Variants in ZNF695 observed in about 807,000 individuals in gnomAD.
The protein encoded by ZNF695 is zinc finger protein 695.
ZNF695 carries 11 observed loss-of-function variants against 11.2 expected under a neutral mutation model. The observed-to-expected ratio is 0.98, with a 90% CI of 0.62 to 1.62. The LOEUF is 1.62. Among genes scored for constraint, ZNF695 ranks in the 40% most tolerant of loss-of-function variants. ZNF695 has a pLI of 0.00. For missense variants in ZNF695, 559 were observed against 590.5 expected, an observed-to-expected ratio of 0.95 and a Z score of 0.55; for synonymous variants, 190 against 201.4, an observed-to-expected ratio of 0.94 and a Z score of 0.48.
chr1:246,965,554 C>T (rs566873099), intron 5 of ZNF695, among the ~76,000 whole-genome samples: 2 of 151,674 alleles, frequency 1.3e-5, no homozygotes, highest in Admixed American at 6.6e-5. Context: ...CTGGCCAACA[C>T]GGCAAAACCC....
chr1:246,958,359 G>A (rs1253941106), intron 5 of ZNF695, among the ~76,000 whole-genome samples: 1 of 152,050 alleles, frequency 6.6e-6, no homozygotes, highest in Admixed American at 6.6e-5. Context: ...CACCCAGCCG[G>A]GACTTGTCTT....
intron 3 of ZNF695, among the ~76,000 whole-genome samples, chr1:246,991,190 AG>A (rs1669021497): frequency 6.6e-6 from 1 of 152,202 alleles, no homozygotes; most frequent in Non-Finnish European, 1.5e-5. Flanking sequence ...AACAAAATTG[AG>A]AAAAACCTCT....
intron 4 of ZNF695, among the ~76,000 whole-genome samples, chr1:246,976,758 C>T (rs12065240): frequency 0.4 from 60,137 of 151,908 alleles, 17,140 homozygotes; most frequent in African/African-American, 0.81. Flanking sequence ...CGCGCCACTG[C>T]ACTCCAGCCT....
chr1:246,988,214 C>A lies in ZNF695; in HGVS notation c.301G>T (p.Gly101Cys), dbSNP rs1668915225. The A allele has an allele frequency of 1.3e-6, 2 of 1,587,752 alleles. No homozygotes were observed. The highest frequency in any genetic ancestry group is 2.7e-5 in the African/African-American group (2 of 73,352). Residue 101 changes from glycine to cysteine, a missense_variant, in exon 4 of 4, where the codon GGC becomes TGC. By Grantham distance (159) the Gly-to-Cys change is radical. Transcript: ENST00000339986. ...YLTEDILPEQ[G>C]LQVSFQKVML... ...ACTTTTTGGAATGAAACTTGCAGGCCCTGCTCTGGCAAAATGTCTTCAGTA... is the reference window on the plus strand; with the variant it reads ...ACTTTTTGGAATGAAACTTGCAGGCACTGCTCTGGCAAAATGTCTTCAGTA...
rs374380046 is a variant in ZNF695 at position 246,951,115 on chromosome 1, G to A, written c.489-5288C>T. ...TGTCATATAGTTGGTCTGAAATGGA[G>A]GCACCGAGACACCCTCAGTATGTGT... On this transcript the variant is annotated intron_variant, in intron 5 of 5. Transcript: ENST00000487338. 4.7e-4 allele frequency among the ~76,000 whole-genome samples: 71 copies of A among 151,968 alleles called. 1 individual carries two copies. In the South Asian group the frequency reaches 0.012, roughly 25 times the overall value.
chr1:246,996,146 G>C (rs1276594689), intron 3 of ZNF695: 2 of 396,414 alleles, frequency 5.0e-6, no homozygotes, highest in African/African-American at 4.4e-5. Flanking sequence ...AGGAGTTTGA[G>C]ACCAGCCTGG....
chr1:246,997,553 A>ATG (rs1020710400), intron 3 of ZNF695, among the ~76,000 whole-genome samples: 134 of 146,530 alleles, frequency 9.1e-4, no homozygotes, highest in African/African-American at 1.6e-3. Context: ...GCAATCTCAC[A>ATG]TGTGTGTGTG....
In ZNF695 at chr1:246,987,763, G is replaced by C; in HGVS notation, c.752C>G (p.Ser251Cys). 4 of 1,594,874 alleles carry C rather than the reference G, an allele frequency of 2.5e-6. No homozygotes were observed. The highest frequency in any genetic ancestry group is 1.7e-4 in the Middle Eastern group (1 of 5,942). Residue 251 changes from serine to cysteine, a missense_variant, in exon 4 of 4, where the codon TCT (serine) becomes TGT (cysteine). Coordinates refer to ENST00000339986, the MANE Select transcript of ZNF695 (RefSeq NM_020394.5). ...CTCAACAACAGCAAGACTTGAGCAA[G>C]ACTTAAAAATGTTATTACATTCTTC... The part of the protein sequence containing the change: ...KCEECNNIFK[S>C]CSSLAVVEKN...
At chr1:246,967,353 A>G (rs1210669990) in intron 5 of ZNF695, 2 of 456,388 alleles carry the variant, frequency 4.4e-6, no homozygotes, top group African/African-American at 4.0e-5. Context: ...CAAAACCCCA[A>G]GCTAGAAATG....
chr1:246,999,574 C>A (rs1209894488), intron 2 of ZNF695, 134 bp from the exon 3 acceptor site: 1 of 699,554 alleles, frequency 1.4e-6, no homozygotes. Flanking sequence ...TCTGACAGAA[C>A]CTTTAATATA....
chr1:246,966,878 A>T (rs773402023), intron 5 of ZNF695: 73 of 456,506 alleles, frequency 1.6e-4, no homozygotes, highest in African/African-American at 5.6e-4. Context: ...ATGAGGAGTT[A>T]TTGGAGGGTT....
intron 5 of ZNF695, among the ~76,000 whole-genome samples, chr1:246,957,417 C>T (rs34932763): frequency 9.6e-4 from 145 of 151,390 alleles, no homozygotes; most frequent in Non-Finnish European, 1.9e-3. Flanking sequence ...ACACAAGCAA[C>T]GAAGAAACCA....
Position 246,985,699 on chromosome 1 carries a change from AACAACT to A in ZNF695, c.*1262_*1267del, listed in dbSNP as rs1668829479. The A allele has an allele frequency of 1.3e-5, 13 of 985,276 alleles. No homozygotes were observed. The highest frequency in any genetic ancestry group is 1.6e-5 in the Non-Finnish European group (13 of 829,900). 61.0% of individuals were successfully genotyped at this position (985,276 alleles called of 1,614,324 possible). ...TATTACCTTAATGTGCAATAGGAAA[AACAACT>A]GACTTGTAAAACTCAAATGTTTCTT... On this transcript the variant is annotated 3_prime_UTR_variant, in exon 4 of 4. Coordinates refer to ENST00000339986, the MANE Select transcript of ZNF695 (RefSeq NM_020394.5).
intron 4 of ZNF695, among the ~76,000 whole-genome samples, chr1:246,971,997 A>G (rs1668440470): frequency 6.6e-6 from 1 of 152,166 alleles, no homozygotes; most frequent in South Asian, 2.1e-4. Context: ...GGGCCTCCCA[A>G]AGTGCTGGGA....
rs1558314601 is a variant in ZNF695 at position 246,986,360 on chromosome 1, G to A, written c.*607C>T. ...AGCAACTATAGGAAAGAGCCACCGT[G>A]CCTGGCACCAAAAGGTATACTTGAA... is the stretch of plus-strand genomic sequence containing the variant. On this transcript the variant is annotated 3_prime_UTR_variant, in exon 4 of 4. Coordinates refer to ENST00000339986, the MANE Select transcript of ZNF695 (RefSeq NM_020394.5). 6.4e-5 allele frequency: 63 copies of A among 985,156 alleles called. No individual in the cohort carries two copies. Among genetic ancestry groups the A allele is most frequent in the Non-Finnish European group, 7.5e-5 (62 of 829,786 alleles). The allele number at this position is 985,156 out of a possible 1,614,324, so 61.0% of individuals were successfully genotyped here.
rs1668446949 is a variant in ZNF695, at chr1:246,972,286, T to C, written c.391-4494A>G. On this transcript the variant is annotated intron_variant, in intron 4 of 5. Coordinates refer to the ZNF695 transcript ENST00000487338. ...CCCAGGCACTTGGCTCACAATGCCCTGTGGCTACCCAAACCGGTGGCTGTC... is the reference window on the plus strand; with the variant it reads ...CCCAGGCACTTGGCTCACAATGCCCCGTGGCTACCCAAACCGGTGGCTGTC... 2.0e-5 allele frequency among the ~76,000 whole-genome samples: 3 copies of C among 152,308 alleles called. No individual in the cohort carries two copies. In the South Asian group the frequency reaches 6.2e-4, roughly 32 times the overall value.
In ZNF695 at chr1:246,987,849, A is replaced by G. The variant is rs775654293; in HGVS notation, c.666T>C (p.Asn222=). The G allele has an allele frequency of 8.7e-6, 14 of 1,610,066 alleles. No individual in the cohort carries two copies. Among genetic ancestry groups the G allele is most frequent in the Non-Finnish European group, 1.0e-5 (12 of 1,178,890 alleles). The change falls in exon 4 of 4, where the codon AAT becomes AAC. Residue 222 remains asparagine (N), a synonymous_variant. Transcript: ENST00000339986. ...TACAGTCAGTAAAGCATGAGCACTC[A>G]TTAAAGGCTTTGCCACATTTTTTAC... is the stretch of plus-strand genomic sequence containing the variant. ...YQCKKCGKAF[N]ECSCFTDCKR...
At chr1:246,955,394 C>A (rs1667972102) in intron 5 of ZNF695, among the ~76,000 whole-genome samples, 2 of 152,184 alleles carry the variant, frequency 1.3e-5, no homozygotes, top group Admixed American at 1.3e-4. Context: ...TAGGGGATCA[C>A]TGTCGTCTAT....
In ZNF695 at chr1:246,988,212, GC is replaced by G; in HGVS notation, c.302del (p.Gly101AlafsTer9). On this transcript the variant is annotated frameshift_variant, in exon 4 of 4. Coordinates refer to ENST00000339986, the MANE Select transcript of ZNF695 (RefSeq NM_020394.5). LOFTEE classifies it low-confidence loss of function (END_TRUNC). Reference sequence around the variant, plus strand: ...TCACTTTTTGGAATGAAACTTGCAGGCCCTGCTCTGGCAAAATGTCTTCAGT... The same window carrying G: ...TCACTTTTTGGAATGAAACTTGCAGGCCTGCTCTGGCAAAATGTCTTCAGT... Reference protein sequence around the residue: ...YLTEDILPEQGLQVSFQKVML... With the variant: ...YLTEDILPEQXLQVSFQKVML... 1 of 1,588,852 alleles carries G rather than the reference GC, an allele frequency of 6.3e-7. No individual in the cohort carries two copies. Among genetic ancestry groups the G allele is most frequent in the Non-Finnish European group, 8.5e-7 (1 of 1,171,210 alleles).
Sources: allele counts gnomAD v4.1 joint callset (sites outside exome capture counted in the v4.1 genomes callset), GRCh38; gene constraint gnomAD v4.1.1; transcripts MANE v1.5; gene names NCBI Gene and HGNC (gene_info 2026-07-23, HGNC 2026-07-21).